The following KCND2 variants were observed in gnomAD, a reference collection of about 807,000 sequenced individuals.
KCND2 encodes the protein potassium voltage-gated channel subfamily D member 2.
Under a neutral mutation model 54.4 loss-of-function variants are expected in KCND2, and 16 were observed. The ratio of observed to expected loss-of-function variants is 0.29; its 90% CI spans 0.20 to 0.45. The LOEUF (loss-of-function observed/expected upper bound fraction) is 0.45. Among genes scored for constraint, KCND2 ranks in the 20% least tolerant of loss-of-function variants. The probability of loss-of-function intolerance (pLI) is 1.00; values close to 1 mark genes in which losing one functional copy is unlikely to be tolerated. For missense variants in KCND2, 486 were observed against 824.2 expected (o/e 0.59, Z 5.02); for synonymous variants, 317 against 310.7 (o/e 1.02, Z -0.21).
At chr7:120,448,546 G>A (rs910763088) in intron 1 of KCND2, among the ~76,000 whole-genome samples, 1 of 151,776 alleles carries the variant, frequency 6.6e-6, no homozygotes, top group Non-Finnish European at 1.5e-5. Context: ...TATATACCCA[G>A]TAAACGGATG....
At chr7:120,304,200 T>C (rs1297379494) in intron 1 of KCND2, among the ~76,000 whole-genome samples, 1 of 152,180 alleles carries the variant, frequency 6.6e-6, no homozygotes, top group Admixed American at 6.6e-5. Context: ...GCATGTCTTA[T>C]ATGTGAAGAA....
At chr7:120,372,823 A>G (rs1165913769) in intron 1 of KCND2, among the ~76,000 whole-genome samples, 1 of 151,928 alleles carries the variant, frequency 6.6e-6, no homozygotes, top group Non-Finnish European at 1.5e-5. Context: ...TAGTACTGTC[A>G]AATACTCCAG....
intron 1 of KCND2, among the ~76,000 whole-genome samples, chr7:120,703,185 C>T (rs754037027): frequency 2.0e-4 from 30 of 152,130 alleles, no homozygotes; most frequent in East Asian, 3.9e-4. Context: ...TTTTCACACA[C>T]GCCAATTTTC....
chr7:120,525,489 G>T (rs1791761569), intron 1 of KCND2, among the ~76,000 whole-genome samples: 1 of 152,142 alleles, frequency 6.6e-6, no homozygotes, highest in Non-Finnish European at 1.5e-5. Context: ...ATAGAAGCTG[G>T]TGTAAGTGAA....
intron 1 of KCND2, among the ~76,000 whole-genome samples, chr7:120,489,229 A>G (rs551256263): frequency 1.3e-5 from 2 of 152,180 alleles, no homozygotes; most frequent in Non-Finnish European, 2.9e-5. Flanking sequence ...TCTGTAGATC[A>G]GTCTGTTATT....
At chr7:120,679,958 A>G (rs990597502) in intron 1 of KCND2, among the ~76,000 whole-genome samples, 2 of 152,118 alleles carry the variant, frequency 1.3e-5, no homozygotes, top group East Asian at 1.9e-4. Flanking sequence ...TAGTGATACA[A>G]TAAGGTAAAG....
chr7:120,459,042 C>T (rs1348058764), intron 1 of KCND2, among the ~76,000 whole-genome samples: 6 of 151,850 alleles, frequency 4.0e-5, no homozygotes, highest in Non-Finnish European at 8.8e-5. Flanking sequence ...TAAGAGTTTA[C>T]TCAAAATGAA....
intron 1 of KCND2, among the ~76,000 whole-genome samples, chr7:120,624,797 G>A (rs1169712656): frequency 6.6e-6 from 1 of 151,586 alleles, no homozygotes; most frequent in Non-Finnish European, 1.5e-5. Flanking sequence ...AAAAAAAATG[G>A]TGGTGGGAGG....
intron 1 of KCND2, among the ~76,000 whole-genome samples, chr7:120,496,487 C>T (rs941141514): frequency 6.6e-6 from 1 of 151,868 alleles, no homozygotes; most frequent in African/African-American, 2.4e-5. Context: ...TGCAGTGGTG[C>T]CATCTCGGCT....
At chr7:120,622,876 A>G (rs879637060) in intron 1 of KCND2, among the ~76,000 whole-genome samples, 3 of 152,170 alleles carry the variant, frequency 2.0e-5, no homozygotes, top group Admixed American at 1.3e-4. Flanking sequence ...TCAGATATCA[A>G]TGAAATATTT....
chr7:120,592,192 C>T (rs1231665216), intron 1 of KCND2, among the ~76,000 whole-genome samples: 2 of 152,168 alleles, frequency 1.3e-5, no homozygotes, highest in African/African-American at 2.4e-5. Context: ...TCTGACAAAA[C>T]ACCATCCTGC....
At chr7:120,606,184 A>G (rs150225432) in intron 1 of KCND2, among the ~76,000 whole-genome samples, 135 of 152,256 alleles carry the variant, frequency 8.9e-4, no homozygotes, top group African/African-American at 2.9e-3. Context: ...ACCCATTCTC[A>G]AGTGGCAGTA....
intron 1 of KCND2, among the ~76,000 whole-genome samples, chr7:120,644,200 A>G (rs1007080867): frequency 2.6e-5 from 4 of 152,144 alleles, no homozygotes; most frequent in African/African-American, 9.7e-5. Flanking sequence ...GCAGAGGAAA[A>G]TAGTATGGTA....
At chr7:120,311,290 GCA>G (rs535565742) in intron 1 of KCND2, among the ~76,000 whole-genome samples, 94 of 152,200 alleles carry the variant, frequency 6.2e-4, no homozygotes, top group Non-Finnish European at 8.8e-5. Context: ...GAGGTATTTT[GCA>G]CAGTTTTGTA....
intron 1 of KCND2, among the ~76,000 whole-genome samples, chr7:120,695,957 A>G (rs1268583479): frequency 6.6e-6 from 1 of 152,216 alleles, no homozygotes; most frequent in African/African-American, 2.4e-5. Flanking sequence ...GAGTCAACTA[A>G]TCCTCATATA....
At chr7:120,440,102 A>G (rs1801926591) in intron 1 of KCND2, among the ~76,000 whole-genome samples, 1 of 152,000 alleles carries the variant, frequency 6.6e-6, no homozygotes, top group South Asian at 2.1e-4. Flanking sequence ...TTACTAATCT[A>G]CATTCCTACC....
chr7:120,651,040 C>T (rs1210531002), intron 1 of KCND2, among the ~76,000 whole-genome samples: 1 of 143,388 alleles, frequency 7.0e-6, no homozygotes, highest in Non-Finnish European at 1.5e-5. Flanking sequence ...GGGGGTGCCT[C>T]CCAGTTAGGC....
intron 1 of KCND2, among the ~76,000 whole-genome samples, chr7:120,636,445 C>T (rs1423726165): frequency 6.6e-6 from 1 of 152,008 alleles, no homozygotes; most frequent in African/African-American, 2.4e-5. Context: ...TTTAATAATG[C>T]TTCATGGGCT....
chr7:120,570,345 C>A (rs1389399421), intron 1 of KCND2, among the ~76,000 whole-genome samples: 1 of 151,682 alleles, frequency 6.6e-6, no homozygotes, highest in Non-Finnish European at 1.5e-5. Flanking sequence ...AAGCTACAAC[C>A]CAGATTTTAC....
Sources: gnomAD v4.1 joint callset for allele counts (sites outside exome capture counted in the v4.1 genomes callset) on GRCh38, gnomAD v4.1.1 for gene constraint, MANE v1.5 for transcripts, NCBI Gene and HGNC (gene_info 2026-07-23, HGNC 2026-07-21) for gene names.